INPP5F: variants seen among roughly 807,000 people sequenced by gnomAD.
The protein encoded by INPP5F is inositol polyphosphate-5-phosphatase F.
Under a neutral mutation model 137.2 loss-of-function variants are expected in INPP5F, and 97 were observed. The ratio of observed to expected loss-of-function variants is 0.71; its 90% CI spans 0.60 to 0.84. INPP5F has a LOEUF of 0.84. Among genes scored for constraint, INPP5F ranks in the 40% least tolerant of loss-of-function variants. The pLI is 0.00. For missense variants in INPP5F, 1,271 were observed against 1,371.9 expected, an observed-to-expected ratio of 0.93 and a Z score of 1.16; for synonymous variants, 504 against 476.9, an observed-to-expected ratio of 1.06 and a Z score of -0.74.
chr10:119,743,222 C>A (rs2134113563), intron 1 of INPP5F, among the ~76,000 whole-genome samples: 1 of 152,276 alleles, frequency 6.6e-6, no homozygotes, highest in South Asian at 2.1e-4. Flanking sequence ...GTAAATCCTT[C>A]CAGCGTGATT....
chr10:119,776,696 G>T (rs1351584575), intron 2 of INPP5F, among the ~76,000 whole-genome samples: 3 of 151,948 alleles, frequency 2.0e-5, no homozygotes, highest in South Asian at 4.2e-4. Context: ...TTGTGTGTGT[G>T]TGTGTGACCC....
At chr10:119,793,769 C>T (rs563595015) in intron 6 of INPP5F, among the ~76,000 whole-genome samples, 57 of 152,254 alleles carry the variant, frequency 3.7e-4, no homozygotes, top group African/African-American at 1.3e-3. Flanking sequence ...TCTCAGCCTC[C>T]CAAGTAGCTG....
intron 1 of INPP5F, among the ~76,000 whole-genome samples, chr10:119,750,061 G>C (rs1411005282): frequency 1.3e-5 from 2 of 152,092 alleles, no homozygotes; most frequent in Non-Finnish European, 2.9e-5. Context: ...GAGCCACCAC[G>C]TCCAGCCAAA....
rs762985465 is a variant in INPP5F at position 119,823,209 on chromosome 10, G to A, written c.2161+10G>A. 1.1e-5 allele frequency: 18 copies of A among 1,609,524 alleles called. No homozygotes were observed. The highest frequency in any genetic ancestry group is 1.5e-5 in the Non-Finnish European group (18 of 1,178,540). ...GAAGAGGATGGAAAAGGTAAAAAGA[G>A]GAAGAGATGAAAGTATTCAGTGAAA... On this transcript the variant is annotated intron_variant, in intron 18 of 19. Transcript: ENST00000650623.
chr10:119,755,037 C>T (rs906957154), intron 2 of INPP5F, among the ~76,000 whole-genome samples: 2 of 152,160 alleles, frequency 1.3e-5, no homozygotes, highest in Non-Finnish European at 2.9e-5. Flanking sequence ...TTCTTCTCAC[C>T]TAGGGAGATG....
intron 19 of INPP5F, among the ~76,000 whole-genome samples, chr10:119,826,283 A>C (rs747593246): frequency 1.1e-4 from 16 of 152,346 alleles, no homozygotes; most frequent in South Asian, 4.1e-4. Context: ...TAATTATAGA[A>C]CACCACACAT....
intron 13 of INPP5F, among the ~76,000 whole-genome samples, chr10:119,808,357 A>G (rs1316997657): frequency 6.6e-6 from 1 of 152,200 alleles, no homozygotes; most frequent in Non-Finnish European, 1.5e-5. Flanking sequence ...TTTATATGAA[A>G]TGGTTGGTTT....
intron 2 of INPP5F, among the ~76,000 whole-genome samples, chr10:119,751,851 A>C (rs1005942722): frequency 6.6e-6 from 1 of 152,212 alleles, no homozygotes; most frequent in African/African-American, 2.4e-5. Context: ...GACTGGTCTC[A>C]AACTCCTGGC....
chr10:119,732,965 C>G (rs1848125190), intron 1 of INPP5F, among the ~76,000 whole-genome samples: 1 of 152,156 alleles, frequency 6.6e-6, no homozygotes, highest in African/African-American at 2.4e-5. Context: ...GTAATTTGCC[C>G]AGGTTCACAG....
chr10:119,752,948 C>G (rs1322166752), intron 2 of INPP5F, among the ~76,000 whole-genome samples: 1 of 144,168 alleles, frequency 6.9e-6, no homozygotes, highest in Non-Finnish European at 1.5e-5. Flanking sequence ...CTTTTTTTTT[C>G]TTTCTTTTTT....
At chr10:119,804,320 G>A in intron 10 of INPP5F, 23 bp downstream of exon 10, 1 of 1,584,338 alleles carries the variant, frequency 6.3e-7, no homozygotes, top group Non-Finnish European at 8.6e-7. Flanking sequence ...TCGGAGAATA[G>A]TGTTGATCAA....
Position 119,826,644 on chromosome 10 carries a change from CCTCACGAAGA to C in INPP5F, c.2265_2274del (p.His756SerfsTer19). ...TCTAATTTGTAGGAAGAGCAGTAAA[CCTCACGAAGA>C]CATCATTGGTATCAGGTCTCAAAAC... On this transcript the variant is annotated frameshift_variant, in exon 20 of 20. Coordinates refer to ENST00000650623, the MANE Select transcript of INPP5F (RefSeq NM_014937.4). LOFTEE classifies it high-confidence loss of function. The C allele has an allele frequency of 1.3e-6, 2 of 1,584,338 alleles. No individual in the cohort carries two copies. Among genetic ancestry groups the C allele is most frequent in the Non-Finnish European group, 1.7e-6 (2 of 1,170,132 alleles).
intron 2 of INPP5F, among the ~76,000 whole-genome samples, chr10:119,764,420 T>G (rs1052324916): frequency 2.0e-5 from 3 of 152,148 alleles, no homozygotes; most frequent in African/African-American, 7.2e-5. Context: ...TCATGTATAG[T>G]GTATTTTCTT....
intron 1 of INPP5F, among the ~76,000 whole-genome samples, chr10:119,745,319 G>GT (rs1490226468): frequency 6.7e-6 from 1 of 149,818 alleles, no homozygotes; most frequent in African/African-American, 2.4e-5. Context: ...TTCTTTTTTT[G>GT]TTTTTTGTTT....
chr10:119,760,354 T>C (rs1250682360), intron 2 of INPP5F, among the ~76,000 whole-genome samples: 2 of 152,170 alleles, frequency 1.3e-5, no homozygotes, highest in Non-Finnish European at 2.9e-5. Flanking sequence ...GAAGAAGGAC[T>C]GCTTGAGGCC....
intron 1 of INPP5F, among the ~76,000 whole-genome samples, chr10:119,731,846 A>G (rs196220): frequency 0.97 from 148,298 of 152,238 alleles, 72,363 homozygotes; most frequent in Middle Eastern, 1. Context: ...TTTATATCTT[A>G]TACTACTTTT....
At position 119,808,010 on chromosome 10, in the gene INPP5F, A is replaced by G. The variant is rs750263602; in HGVS notation, c.1519A>G (p.Asn507Asp). The G allele has an allele frequency of 6.2e-7, 1 of 1,613,906 alleles. No homozygotes were observed. The highest frequency in any genetic ancestry group is 8.5e-7 in the Non-Finnish European group (1 of 1,179,976). The part of the protein sequence containing the change: ...CNRIYQIMWA[N>D]NGDSISRQYA... ...TCGCATCTACCAGATAATGTGGGCC[A>G]ATAATGGTGACTCCATTAGCAGACA... The change falls in exon 13 of 20, where the codon AAT (asparagine) becomes GAT (aspartate). Residue 507 changes from asparagine to aspartate, a missense_variant. By Grantham distance (23) the Asn-to-Asp change is conservative. Transcript: ENST00000650623.
intron 3 of INPP5F, among the ~76,000 whole-genome samples, chr10:119,785,286 G>GTTGTTTTTTTTTTTTTT (rs770290302): frequency 1.6e-4 from 17 of 106,236 alleles, no homozygotes; most frequent in African/African-American, 6.0e-4. Context: ...CTGCCAGACT[G>GTTGTTTTTTTTTTTTTT]TTTTTTTTTT....
intron 15 of INPP5F, 78 bp from the exon 16 acceptor site, chr10:119,820,768 C>T: frequency 8.5e-7 from 1 of 1,172,330 alleles, no homozygotes; most frequent in Non-Finnish European, 1.3e-6. Flanking sequence ...TCCTAAGTAG[C>T]TCTGCTGTAG....
Sources: allele counts gnomAD v4.1 joint callset (sites outside exome capture counted in the v4.1 genomes callset), GRCh38; gene constraint gnomAD v4.1.1; transcripts MANE v1.5; gene names NCBI Gene and HGNC (gene_info 2026-07-23, HGNC 2026-07-21).